Variants in SPAG17 observed in about 807,000 individuals in gnomAD.
The protein encoded by SPAG17 is sperm-associated antigen 17.
In SPAG17, 169 loss-of-function variants were observed where a neutral mutation model predicts 273.6. The observed-to-expected ratio is 0.62, with a 90% confidence interval of 0.55 to 0.70. The LOEUF (loss-of-function observed/expected upper bound fraction) is 0.70. Ranked by LOEUF, SPAG17 falls within the 30% of genes least tolerant of loss-of-function variation. SPAG17 has a pLI of 0.00. For synonymous variants in SPAG17, 825 were observed against 873.2 expected (o/e 0.94, Z 0.97); for missense variants, 2,557 against 2,627.8 (o/e 0.97, Z 0.59).
intron 3 of SPAG17, among the ~76,000 whole-genome samples, chr1:118,140,755 C>T (rs1280690707): frequency 6.6e-6 from 1 of 152,204 alleles, no homozygotes; most frequent in Non-Finnish European, 1.5e-5. Flanking sequence ...TTATTCTTCA[C>T]TTGGCAGCCA....
chr1:118,152,574 C>T (rs972232131), intron 1 of SPAG17, among the ~76,000 whole-genome samples: 1 of 151,936 alleles, frequency 6.6e-6, no homozygotes, highest in African/African-American at 2.4e-5. Context: ...CAAGACTCAC[C>T]CAATTCTCAA....
At chr1:118,138,027 C>CT (rs780837231) in intron 3 of SPAG17, among the ~76,000 whole-genome samples, 1 of 152,114 alleles carries the variant, frequency 6.6e-6, no homozygotes, top group Non-Finnish European at 1.5e-5. Flanking sequence ...TTTGTTGCAT[C>CT]TTTGACTATT....
intron 17 of SPAG17, among the ~76,000 whole-genome samples, chr1:118,072,995 C>T (rs144625062): frequency 1.5e-3 from 227 of 151,782 alleles, no homozygotes; most frequent in African/African-American, 5.2e-3. Flanking sequence ...CCTCTGAGAA[C>T]TGCGGCTTGG....
chr1:117,959,396 G>T lies in SPAG17; in HGVS notation c.*4403C>A, dbSNP rs775748226. 1.9e-6 allele frequency: 3 copies of T among 1,613,626 alleles called. No individual in the cohort carries two copies. In the Admixed American group the frequency reaches 5.0e-5, roughly 27 times the overall value. On this transcript the variant is annotated intron_variant, in intron 48 of 48. Transcript: ENST00000336338. Reference sequence around the variant, plus strand: ...CTGATGCTACTAGCCACTTGGAAGAGAAGAAGAGGAAGAGGAAAAAGAGGG... The same window carrying T: ...CTGATGCTACTAGCCACTTGGAAGATAAGAAGAGGAAGAGGAAAAAGAGGG...
intron 43 of SPAG17, 47 bp from the exon 44 acceptor site, chr1:117,973,608 AACAC>A: frequency 6.3e-7 from 1 of 1,581,532 alleles, no homozygotes; most frequent in African/African-American, 1.3e-5. Context: ...ATTTTATTCA[AACAC>A]ATTTGAAGTA....
chr1:118,122,153 CTG>C (rs34125128), intron 3 of SPAG17, among the ~76,000 whole-genome samples: 71,887 of 148,912 alleles, frequency 0.48, 17,629 homozygotes, highest in African/African-American at 0.57. Context: ...GTCTGTGTGT[CTG>C]TGTGTGTGTG....
At chr1:117,973,160 C>T (rs1045526355) in intron 44 of SPAG17, among the ~76,000 whole-genome samples, 1 of 152,176 alleles carries the variant, frequency 6.6e-6, no homozygotes, top group African/African-American at 2.4e-5. Flanking sequence ...ATAACTGGCT[C>T]ATAAAATTTC....
intron 1 of SPAG17, 135 bp from the exon 2 acceptor site, chr1:118,151,504 T>C: frequency 1.1e-6 from 1 of 872,592 alleles, no homozygotes; most frequent in Non-Finnish European, 1.6e-6. Context: ...GTAATGTATG[T>C]GGTTTTCTGA....
At chr1:117,975,561 G>A (rs1236396206) in intron 43 of SPAG17, among the ~76,000 whole-genome samples, 2 of 152,296 alleles carry the variant, frequency 1.3e-5, no homozygotes, top group South Asian at 2.1e-4. Context: ...ACCTAAGTGT[G>A]TTGGAACCAC....
At chr1:118,089,181 G>A (rs1263897607) in intron 10 of SPAG17, among the ~76,000 whole-genome samples, 6 of 152,184 alleles carry the variant, frequency 3.9e-5, no homozygotes, top group African/African-American at 1.4e-4. Context: ...TTTAGATCAG[G>A]TGGTCAGAGA....
chr1:118,151,556 G>A (rs1659386827), intron 1 of SPAG17, among the ~76,000 whole-genome samples, 187 bp from the exon 2 acceptor site: 1 of 152,200 alleles, frequency 6.6e-6, no homozygotes, highest in Non-Finnish European at 1.5e-5. Flanking sequence ...CAAATTTCAT[G>A]CAACTTGACC....
chr1:118,158,350 A>T (rs1482256788), intron 1 of SPAG17, among the ~76,000 whole-genome samples: 2 of 152,208 alleles, frequency 1.3e-5, no homozygotes, highest in Non-Finnish European at 2.9e-5. Flanking sequence ...GCACTGGCTG[A>T]CTATGAAGAT....
At chr1:117,954,527 T>C in intron 48 of SPAG17, 1 of 1,545,094 alleles carries the variant, frequency 6.5e-7, no homozygotes, top group South Asian at 1.1e-5. Flanking sequence ...CTATAACAAG[T>C]GCTACCTAAG....
chr1:118,005,211 C>T (rs151325842), intron 32 of SPAG17, among the ~76,000 whole-genome samples: 281 of 152,248 alleles, frequency 1.8e-3, no homozygotes, highest in African/African-American at 6.6e-3. Flanking sequence ...ACCAATTATT[C>T]GGCTTGCCAT....
At chr1:118,040,656 G>T in intron 22 of SPAG17, 74 bp downstream of exon 22, 1 of 983,114 alleles carries the variant, frequency 1.0e-6, no homozygotes, top group South Asian at 1.3e-5. Flanking sequence ...TCAAACTCAG[G>T]AGTAGAGGGC....
intron 20 of SPAG17, among the ~76,000 whole-genome samples, chr1:118,053,684 T>C (rs976637404): frequency 6.6e-6 from 1 of 151,978 alleles, no homozygotes; most frequent in South Asian, 2.1e-4. Flanking sequence ...AATATATATG[T>C]ATATCTCAAA....
At chr1:118,144,194 C>T (rs1658841739) in intron 3 of SPAG17, among the ~76,000 whole-genome samples, 1 of 152,214 alleles carries the variant, frequency 6.6e-6, no homozygotes, top group African/African-American at 2.4e-5. Flanking sequence ...CGTATTCACA[C>T]CCTGGGAGCC....
intron 45 of SPAG17, 113 bp from the exon 46 acceptor site, chr1:117,970,229 G>A (rs559610358): frequency 9.3e-6 from 9 of 967,714 alleles, no homozygotes; most frequent in Non-Finnish European, 1.4e-5. Flanking sequence ...CACAGGAGCC[G>A]GGGGTCCATA....
chr1:118,164,756 C>T (rs1660082289), intron 1 of SPAG17, among the ~76,000 whole-genome samples: 1 of 152,218 alleles, frequency 6.6e-6, no homozygotes, highest in Non-Finnish European at 1.5e-5. Context: ...TAACATATTT[C>T]TAACACCATA....
Sources: allele counts gnomAD v4.1 joint callset (sites outside exome capture counted in the v4.1 genomes callset), GRCh38; gene constraint gnomAD v4.1.1; transcripts MANE v1.5; gene names NCBI Gene and HGNC (gene_info 2026-07-23, HGNC 2026-07-21).